Variants in TICAM1 observed in about 807,000 individuals in gnomAD.
The protein encoded by TICAM1 is TIR domain-containing adapter molecule 1.
For missense variants in TICAM1, 895 were observed against 938.2 expected, an observed-to-expected ratio of 0.95 and a Z score of 0.60; for synonymous variants, 439 against 415.4, an observed-to-expected ratio of 1.06 and a Z score of -0.69.
At chr19:4,826,778 G>A (rs1377294459) in intron 1 of TICAM1, among the ~76,000 whole-genome samples, 1 of 152,112 alleles carries the variant, frequency 6.6e-6, no homozygotes, top group African/African-American at 2.4e-5. Flanking sequence ...AAGGGATACA[G>A]CTGGATTGGA....
intron 1 of TICAM1, among the ~76,000 whole-genome samples, chr19:4,821,531 C>G (rs567023710): frequency 6.6e-6 from 1 of 152,116 alleles, no homozygotes; most frequent in African/African-American, 2.4e-5. Context: ...TCTGTTACCC[C>G]CCAGATATCC....
rs763237315 is a variant in TICAM1, at chr19:4,816,937, C to A, written c.1441G>T (p.Gly481Trp). 6.2e-7 allele frequency: 1 copy of A among 1,613,828 alleles called. No homozygotes were observed. Among genetic ancestry groups the A allele is most frequent in the Non-Finnish European group, 8.5e-7 (1 of 1,180,030 alleles). The change falls in exon 2 of 2, where the codon GGG (glycine) becomes TGG (tryptophan). Residue 481 changes from glycine to tryptophan, a missense_variant. Physicochemically the swap from Gly to Trp is radical, Grantham distance 184. Coordinates refer to ENST00000248244, the MANE Select transcript of TICAM1 (RefSeq NM_182919.4). This position sits in a 1 kb window ranked among gnomAD's most constrained non-coding sequence, Gnocchi z 4.3. The stretch of plus-strand genomic sequence containing the variant: ...AAGGGGATGACACAGTCTGGCGACC[C>A]CTGTCGCGTGAGGTTGCTCATCATG... The part of the protein sequence containing the change: ...QAMMSNLTRQ[G>W]SPDCVIPFLP...
intron 1 of TICAM1, among the ~76,000 whole-genome samples, chr19:4,823,118 G>A (rs958319643): frequency 2.0e-5 from 3 of 152,044 alleles, no homozygotes; most frequent in Non-Finnish European, 2.9e-5. Context: ...TCAAGAGCTC[G>A]AGACCAGCCT....
intron 1 of TICAM1, among the ~76,000 whole-genome samples, chr19:4,829,563 G>A (rs1178200858): frequency 6.6e-6 from 1 of 152,006 alleles, no homozygotes; most frequent in Non-Finnish European, 1.5e-5. Context: ...GCCACCTGCC[G>A]GCTTGTGTGG....
In TICAM1 at chr19:4,817,441, A is replaced by C. The variant is rs377055358; in HGVS notation, c.937T>G (p.Ser313Ala). Residue 313 changes from serine to alanine, a missense_variant, in exon 2 of 2, where the codon TCT becomes GCT. Coordinates refer to ENST00000248244, the MANE Select transcript of TICAM1 (RefSeq NM_182919.4). This position sits in a 1 kb window ranked among gnomAD's most constrained non-coding sequence, Gnocchi z 4.7. ...ECTEGSAGPQSLPLPILEPVK... is the reference protein window; with the variant it reads ...ECTEGSAGPQALPLPILEPVK... ...GGCTCCAGAATAGGCAAGGGGAGAGACTGGGGGCCTGCAGACCCCTCGGTG... is the reference window on the plus strand; with the variant it reads ...GGCTCCAGAATAGGCAAGGGGAGAGCCTGGGGGCCTGCAGACCCCTCGGTG... 1 of 1,613,902 alleles carries C rather than the reference A, an allele frequency of 6.2e-7. No homozygotes were observed. Among genetic ancestry groups the C allele is most frequent in the Non-Finnish European group, 8.5e-7 (1 of 1,179,978 alleles).
chr19:4,821,101 C>G (rs1034955996), intron 1 of TICAM1, among the ~76,000 whole-genome samples: 3 of 149,882 alleles, frequency 2.0e-5, no homozygotes, highest in African/African-American at 7.4e-5. Context: ...GAGGCTGAGG[C>G]AGGAGAATCA....
intron 1 of TICAM1, among the ~76,000 whole-genome samples, chr19:4,828,096 A>T (rs1237438297): frequency 1.3e-5 from 2 of 151,880 alleles, no homozygotes; most frequent in Non-Finnish European, 2.9e-5. Context: ...TTTAACACTT[A>T]GAATTCACAC....
chr19:4,815,999 C>T lies in TICAM1; in HGVS notation c.*240G>A. On this transcript the variant is annotated 3_prime_UTR_variant, in exon 2 of 2. Transcript: ENST00000248244. ...TACCCCCACCACCAAGACCCTTCAC[C>T]CAGAAATAGAGAGATTGGAATTGTA... 1 of 441,542 alleles carries T rather than the reference C, an allele frequency of 2.3e-6. No individual in the cohort carries two copies. The highest frequency in any genetic ancestry group is 3.7e-5 in the East Asian group (1 of 27,138). 27.4% of individuals were successfully genotyped at this position (441,542 alleles called of 1,614,324 possible). A position where few individuals can be genotyped will look rare whatever the true frequency, so the allele number is the denominator to read the frequency against.
chr19:4,829,321 G>C (rs896999710), intron 1 of TICAM1, among the ~76,000 whole-genome samples: 1 of 145,562 alleles, frequency 6.9e-6, no homozygotes. Context: ...CTAAAATCAC[G>C]TGGTCTTTCT....
chr19:4,817,743 G>A lies in TICAM1; in HGVS notation c.635C>T (p.Ser212Phe). 1 of 1,602,322 alleles carries A rather than the reference G, an allele frequency of 6.2e-7. No individual in the cohort carries two copies. The highest frequency in any genetic ancestry group is 8.5e-7 in the Non-Finnish European group (1 of 1,177,252). Residue 212 changes from serine to phenylalanine, a missense_variant, in exon 2 of 2, where the codon TCC becomes TTC. Ser to Phe is a radical substitution (Grantham distance 155). Transcript: ENST00000248244. The surrounding 1 kb of genome is among the most constrained non-coding windows in gnomAD (Gnocchi z 4.7). ...CAGGCTGAGGAAGGGCATGGTAGGGGACTGGCTGATTTCCAAGTTGCTGGC... is the reference window on the plus strand; with the variant it reads ...CAGGCTGAGGAAGGGCATGGTAGGGAACTGGCTGATTTCCAAGTTGCTGGC... The part of the protein sequence containing the change: ...SLASNLEISQ[S>F]PTMPFLSLHR...
At chr19:4,819,410 C>T (rs1471721477) in intron 1 of TICAM1, among the ~76,000 whole-genome samples, 1 of 152,220 alleles carries the variant, frequency 6.6e-6, no homozygotes, top group Non-Finnish European at 1.5e-5. Context: ...CAAAGTCACA[C>T]TATCAGTGGA....
At position 4,818,582 on chromosome 19, in the gene TICAM1, C is replaced by G; in HGVS notation, c.-139-66G>C. On this transcript the variant is annotated intron_variant, in intron 1 of 1. Transcript: ENST00000248244. The surrounding 1 kb of genome is among the most constrained non-coding windows in gnomAD (Gnocchi z 4.0). ...AAGGTCAGCACGGGAAGGCGGCCCA[C>G]ACACCCCCGCCTGCTTTCCCCGCCT... is the stretch of plus-strand genomic sequence containing the variant. The G allele has an allele frequency of 8.8e-7, 1 of 1,135,558 alleles. No homozygotes were observed. Among genetic ancestry groups the G allele is most frequent in the Non-Finnish European group, 1.2e-6 (1 of 846,592 alleles). 70.3% of individuals were successfully genotyped at this position (1,135,558 alleles called of 1,614,324 possible). A position where few individuals can be genotyped will look rare whatever the true frequency, so the allele number is the denominator to read the frequency against.
intron 1 of TICAM1, among the ~76,000 whole-genome samples, chr19:4,828,716 T>C (rs544226245): frequency 0.015 from 2,227 of 150,092 alleles, 60 homozygotes; most frequent in African/African-American, 0.052. Flanking sequence ...TTTTTTTTTT[T>C]TTTCTGAGAC....
In TICAM1 at chr19:4,816,023, TA is replaced by T; in HGVS notation, c.*215del. ...CCCAGAAATAGAGAGATTGGAATTG[TA>T]AACACCGTATCCAGTTCTGACCACC... is the stretch of plus-strand genomic sequence containing the variant. On this transcript the variant is annotated 3_prime_UTR_variant, in exon 2 of 2. Coordinates refer to ENST00000248244, the MANE Select transcript of TICAM1 (RefSeq NM_182919.4). This position sits in a 1 kb window ranked among gnomAD's most constrained non-coding sequence, Gnocchi z 4.3. 1.9e-6 allele frequency: 1 copy of T among 540,058 alleles called. No homozygotes were observed. Among genetic ancestry groups the T allele is most frequent in the Non-Finnish European group, 2.8e-6 (1 of 356,610 alleles). The allele number at this position is 540,058 out of a possible 1,614,324, so 33.5% of individuals were successfully genotyped here. A position where few individuals can be genotyped will look rare whatever the true frequency, so the allele number is the denominator to read the frequency against.
At chr19:4,824,329 ATT>A (rs1213088504) in intron 1 of TICAM1, among the ~76,000 whole-genome samples, 16 of 107,360 alleles carry the variant, frequency 1.5e-4, no homozygotes, top group Admixed American at 2.0e-4. Context: ...CTTTTATCCA[ATT>A]TTTTTTTTTT....
At chr19:4,823,777 C>T (rs547732882) in intron 1 of TICAM1, among the ~76,000 whole-genome samples, 15 of 152,270 alleles carry the variant, frequency 9.9e-5, no homozygotes, top group Admixed American at 9.2e-4. Flanking sequence ...TACAACACCT[C>T]GATCTTGGAC....
At position 4,818,506 on chromosome 19, in the gene TICAM1, C is replaced by T; in HGVS notation, c.-129G>A. On this transcript the variant is annotated 5_prime_UTR_variant, in exon 2 of 2. Coordinates refer to ENST00000248244, the MANE Select transcript of TICAM1 (RefSeq NM_182919.4). The surrounding 1 kb of genome is among the most constrained non-coding windows in gnomAD (Gnocchi z 4.0). ...ACTGTTCCAGGTTCTGCAGGAGCTG[C>T]CCAAGCAGATCTGTAGGAAACAGGA... The T allele has an allele frequency of 2.8e-6, 4 of 1,434,706 alleles. No individual in the cohort carries two copies. Among genetic ancestry groups the T allele is most frequent in the Non-Finnish European group, 3.7e-6 (4 of 1,090,358 alleles). 88.9% of individuals were successfully genotyped at this position (1,434,706 alleles called of 1,614,324 possible).
At position 4,816,194 on chromosome 19, in the gene TICAM1, C is replaced by G. The variant is rs2093584459; in HGVS notation, c.*45G>C. 1.4e-6 allele frequency: 2 copies of G among 1,465,494 alleles called. No individual in the cohort carries two copies. Among genetic ancestry groups the G allele is most frequent in the Non-Finnish European group, 1.8e-6 (2 of 1,113,916 alleles). The allele number at this position is 1,465,494 out of a possible 1,614,324, so 90.8% of individuals were successfully genotyped here. A position where few individuals can be genotyped will look rare whatever the true frequency, so the allele number is the denominator to read the frequency against. ...TGCTCTATGGGGTCCTGGCCGATGC[C>G]TGGGTCCAGGGGTGTTCCCCAGGTG... On this transcript the variant is annotated 3_prime_UTR_variant, in exon 2 of 2. Transcript: ENST00000248244. This position sits in a 1 kb window ranked among gnomAD's most constrained non-coding sequence, Gnocchi z 4.3.
In TICAM1 at chr19:4,816,452, TG is replaced by T. The variant is rs762126373; in HGVS notation, c.1925del (p.Pro642HisfsTer50). On this transcript the variant is annotated frameshift_variant, in exon 2 of 2. Coordinates refer to ENST00000248244, the MANE Select transcript of TICAM1 (RefSeq NM_182919.4). LOFTEE classifies it low-confidence loss of function (END_TRUNC). This position sits in a 1 kb window ranked among gnomAD's most constrained non-coding sequence, Gnocchi z 4.3. Reference protein sequence around the residue: ...PLHAWQAGTPPPPSPQPAAFP... With the variant: ...PLHAWQAGTPXPPSPQPAAFP... ...AGGCTGCTGGCTGTGGGGAGGGCGG[TG>T]GGGGGGTGCCAGCCTGCCATGCGTG... is the stretch of plus-strand genomic sequence containing the variant. The T allele has an allele frequency of 7.5e-6, 10 of 1,324,744 alleles. No homozygotes were observed. The highest frequency in any genetic ancestry group is 4.8e-5 in the Admixed American group (2 of 41,560). The allele number at this position is 1,324,744 out of a possible 1,614,324, so 82.1% of individuals were successfully genotyped here.
Sources: allele counts gnomAD v4.1 joint callset (sites outside exome capture counted in the v4.1 genomes callset), GRCh38; gene constraint gnomAD v4.1.1; non-coding constraint Gnocchi (gnomAD v3.1); transcripts MANE v1.5; gene names NCBI Gene and HGNC (gene_info 2026-07-23, HGNC 2026-07-21).